ITPKB: variants seen among roughly 807,000 people sequenced by gnomAD.
ITPKB encodes inositol-trisphosphate 3-kinase B.
Under a neutral mutation model 69.4 loss-of-function variants are expected in ITPKB, and 13 were observed. The ratio of observed to expected loss-of-function variants is 0.19; its 90% CI spans 0.12 to 0.30. The LOEUF is 0.30. ITPKB is among the 10% of genes least tolerant of loss of function. The pLI is 1.00. For missense variants in ITPKB, 1,240 were observed against 1,250.5 expected, an observed-to-expected ratio of 0.99 and a Z score of 0.13; for synonymous variants, 584 against 513.7, an observed-to-expected ratio of 1.14 and a Z score of -1.85.
intron 7 of ITPKB, among the ~76,000 whole-genome samples, chr1:226,636,510 G>A (rs781302122): frequency 3.9e-5 from 6 of 152,180 alleles, no homozygotes; most frequent in Non-Finnish European, 8.8e-5. Context: ...AAGATGCACC[G>A]CCCTGCTGGC....
At chr1:226,734,028 G>A (rs1197516884) in intron 2 of ITPKB, among the ~76,000 whole-genome samples, 1 of 152,242 alleles carries the variant, frequency 6.6e-6, no homozygotes, top group Non-Finnish European at 1.5e-5. Context: ...TGGGACGGGG[G>A]ACCATCTCTT....
chr1:226,657,377 C>T (rs1349164248), intron 2 of ITPKB: 1 of 152,224 alleles, frequency 6.6e-6, no homozygotes, highest in East Asian at 1.9e-4. Flanking sequence ...TTTCACCTGA[C>T]TTGTTCCCTC....
chr1:226,651,255 A>T (rs1669186795), intron 2 of ITPKB, among the ~76,000 whole-genome samples: 1 of 152,216 alleles, frequency 6.6e-6, no homozygotes, highest in Non-Finnish European at 1.5e-5. Flanking sequence ...AGAGGGAGAT[A>T]GGTGAGCAGG....
At chr1:226,680,814 C>G (rs1283233590) in intron 2 of ITPKB, among the ~76,000 whole-genome samples, 1 of 152,164 alleles carries the variant, frequency 6.6e-6, no homozygotes, top group African/African-American at 2.4e-5. Flanking sequence ...GCCCATAGGG[C>G]ACAGGAGAGC....
At chr1:226,732,536 CGT>C (rs1657621186) in intron 2 of ITPKB, among the ~76,000 whole-genome samples, 1 of 149,166 alleles carries the variant, frequency 6.7e-6, no homozygotes, top group Admixed American at 6.7e-5. Flanking sequence ...CCGTGCCCAG[CGT>C]TCTTTTGTTT....
rs111944769 is a variant in ITPKB at position 226,712,643 on chromosome 1, G to A, written c.1932+22884C>T. ...TGCCCTAGCCCTGCACTCCCTGGAC[G>A]GCCTGTGACCTTGTTCAGGCCCGTC... On this transcript the variant is annotated intron_variant, in intron 2 of 7. Coordinates refer to ENST00000429204, the MANE Select transcript of ITPKB (RefSeq NM_002221.4). Among the ~76,000 whole-genome samples the A allele has an allele frequency of 9.1e-3, 1,391 of 152,270 alleles. 24 individuals carry two copies. Among genetic ancestry groups the A allele is most frequent in the African/African-American group, 0.032 (1,328 of 41,540 alleles).
intron 2 of ITPKB, among the ~76,000 whole-genome samples, chr1:226,703,906 G>A (rs1426182680): frequency 6.6e-6 from 1 of 152,076 alleles, no homozygotes; most frequent in East Asian, 1.9e-4. Flanking sequence ...GTCTTTCCTT[G>A]TCCCCCTCAC....
chr1:226,690,087 T>C (rs954724029), intron 2 of ITPKB, among the ~76,000 whole-genome samples: 3 of 152,232 alleles, frequency 2.0e-5, no homozygotes, highest in African/African-American at 7.2e-5. Context: ...TAAACATGCA[T>C]GTGTCTTTAT....
chr1:226,637,892 A>C lies in ITPKB; in HGVS notation c.2554-142T>G. The C allele has an allele frequency of 1.5e-6, 1 of 663,226 alleles. No individual in the cohort carries two copies. The highest frequency in any genetic ancestry group is 1.7e-5 in the South Asian group (1 of 58,170). 41.1% of individuals were successfully genotyped at this position (663,226 alleles called of 1,614,324 possible). A position where few individuals can be genotyped will look rare whatever the true frequency, so the allele number is the denominator to read the frequency against. On this transcript the variant is annotated intron_variant, in intron 6 of 7. Transcript: ENST00000429204. This position sits in a 1 kb window ranked among gnomAD's most constrained non-coding sequence, Gnocchi z 4.3. ...CATCTAGAGGCAGCTTCCTGCGAGC[A>C]GGGCTGCTGTGGCGTCTTTCTCAGC...
At chr1:226,704,473 CAGCT>C (rs759701455) in intron 2 of ITPKB, among the ~76,000 whole-genome samples, 6 of 152,168 alleles carry the variant, frequency 3.9e-5, no homozygotes, top group Non-Finnish European at 8.8e-5. Context: ...GAGAATAACT[CAGCT>C]AGTTTATTTC....
At chr1:226,703,169 A>G (rs1033822422) in intron 2 of ITPKB, among the ~76,000 whole-genome samples, 8 of 152,194 alleles carry the variant, frequency 5.3e-5, no homozygotes, top group African/African-American at 1.9e-4. Flanking sequence ...GGTGAAGGAA[A>G]AAAAAAGTGC....
intron 2 of ITPKB, among the ~76,000 whole-genome samples, chr1:226,659,117 C>A (rs1467289107): frequency 1.6e-4 from 25 of 152,176 alleles, no homozygotes; most frequent in Admixed American, 1.6e-3. Context: ...ACCAGGAAAA[C>A]CCTGAGTGAC....
chr1:226,712,600 A>G (rs7524854), intron 2 of ITPKB, among the ~76,000 whole-genome samples: 10,795 of 152,228 alleles, frequency 0.071, 967 homozygotes, highest in African/African-American at 0.2. Context: ...GCTCGGCTGG[A>G]AGGAAGTGGG....
At chr1:226,650,062 T>C (rs1159182077) in intron 2 of ITPKB, among the ~76,000 whole-genome samples, 2 of 152,038 alleles carry the variant, frequency 1.3e-5, no homozygotes, top group African/African-American at 2.4e-5. Context: ...GCAGAGGAGA[T>C]GAGGGTGGTA....
intron 2 of ITPKB, among the ~76,000 whole-genome samples, chr1:226,716,164 T>C (rs550239742): frequency 6.6e-6 from 1 of 152,244 alleles, no homozygotes; most frequent in East Asian, 1.9e-4. Context: ...CATACACTTC[T>C]AACCAGACGA....
chr1:226,665,853 G>A lies in ITPKB; in HGVS notation c.1933-17082C>T, dbSNP rs74737748. Among the ~76,000 whole-genome samples the A allele has an allele frequency of 3.8e-3, 574 of 152,330 alleles. 4 individuals carry two copies. The highest frequency in any genetic ancestry group is 0.013 in the African/African-American group (551 of 41,572). On this transcript the variant is annotated intron_variant, in intron 2 of 7. Transcript: ENST00000429204. Reference sequence around the variant, plus strand: ...AGCCACGGCCCAGCCCAGGTGAGGCGAGGAGACACTCACGGAAGCACCTGT... The same window carrying A: ...AGCCACGGCCCAGCCCAGGTGAGGCAAGGAGACACTCACGGAAGCACCTGT...
chr1:226,707,986 A>C (rs1243509345), intron 2 of ITPKB: 1 of 983,852 alleles, frequency 1.0e-6, no homozygotes, highest in Non-Finnish European at 1.4e-6. Context: ...ACTGCAACAA[A>C]ATATGGAAAC....
In ITPKB at chr1:226,711,438, AGAGAGTGT is replaced by A. The variant is rs1207727009; in HGVS notation, c.1932+24081_1932+24088del. ...GAGAGAGAGAGAGAGAGAGAGAGAG[AGAGAGTGT>A]GTGTGTGTGTGTGTGTGTGTGTTGT... On this transcript the variant is annotated intron_variant, in intron 2 of 7. Transcript: ENST00000429204. 5.4e-3 allele frequency among the ~76,000 whole-genome samples: 624 copies of A among 116,106 alleles called. 6 individuals are homozygous for A. The highest frequency in any genetic ancestry group is 0.035 in the Middle Eastern group (8 of 228). The allele number at this position is 116,106 out of a possible 152,430, so 76.2% of individuals were successfully genotyped here.
In ITPKB at chr1:226,717,162, C is replaced by G. The variant is rs1170622236; in HGVS notation, c.1932+18365G>C. On this transcript the variant is annotated intron_variant, in intron 2 of 7. Coordinates refer to ENST00000429204, the MANE Select transcript of ITPKB (RefSeq NM_002221.4). ...TCTCGATGGAGACCAAATCCTCCCGCAGGTACTCAAACTAGTAGCAATCCC... is the reference window on the plus strand; with the variant it reads ...TCTCGATGGAGACCAAATCCTCCCGGAGGTACTCAAACTAGTAGCAATCCC... 3.3e-5 allele frequency among the ~76,000 whole-genome samples: 5 copies of G among 152,268 alleles called. No homozygotes were observed. The East Asian group carries it at 9.6e-4, about 29-fold the overall frequency.
Sources: allele counts gnomAD v4.1 joint callset (sites outside exome capture counted in the v4.1 genomes callset), GRCh38; gene constraint gnomAD v4.1.1; non-coding constraint Gnocchi (gnomAD v3.1); transcripts MANE v1.5; gene names NCBI Gene and HGNC (gene_info 2026-07-23, HGNC 2026-07-21).